Variants in SLC2A9 observed in about 807,000 individuals in gnomAD.
The protein encoded by SLC2A9 is solute carrier family 2 member 9, also known as solute carrier family 2, facilitated glucose transporter member 9.
SLC2A9 carries 39 observed loss-of-function variants against 50.6 expected under a neutral mutation model. The observed-to-expected ratio is 0.77, with a 90% CI of 0.60 to 1.01. SLC2A9 has a LOEUF of 1.01. SLC2A9 is among the 50% of genes least tolerant of loss of function. The pLI, the probability that SLC2A9 is intolerant of heterozygous loss-of-function variation, is 0.00. For synonymous variants in SLC2A9, 324 were observed against 276.9 expected, an observed-to-expected ratio of 1.17 and a Z score of -1.69; for missense variants, 686 against 677.6, an observed-to-expected ratio of 1.01 and a Z score of -0.14.
intron 6 of SLC2A9, among the ~76,000 whole-genome samples, chr4:9,941,706 T>G (rs920858750): frequency 6.6e-6 from 1 of 152,202 alleles, no homozygotes; most frequent in African/African-American, 2.4e-5. Context: ...GGAGACTCCC[T>G]GGGTGACTCT....
chr4:9,778,850 C>T (rs1359909351), downstream of SLC2A9, among the ~76,000 whole-genome samples: 2 of 151,852 alleles, frequency 1.3e-5, no homozygotes, highest in African/African-American at 4.8e-5. Flanking sequence ...AATGGAGTCT[C>T]ACTCTGTCAC....
Position 9,970,169 on chromosome 4 carries a change from T to C in SLC2A9, c.681+10423A>G, listed in dbSNP as rs370361298. Among the ~76,000 whole-genome samples, 10 of 152,226 alleles carry C rather than the reference T, an allele frequency of 6.6e-5. No homozygotes were observed. In the East Asian group the frequency reaches 9.7e-4, roughly 15 times the overall value. ...TAATATAGGCCATGGGGGATGGCCT[T>C]GGCCCCACCCAGCACTGGAGCTGAG... On this transcript the variant is annotated intron_variant, in intron 5 of 11. Coordinates refer to ENST00000264784, the MANE Select transcript of SLC2A9 (RefSeq NM_020041.3).
At chr4:9,826,934 C>T (rs1008508542) in intron 11 of SLC2A9, among the ~76,000 whole-genome samples, 5 of 152,126 alleles carry the variant, frequency 3.3e-5, no homozygotes, top group Non-Finnish European at 1.5e-5. Flanking sequence ...TTACAATTAA[C>T]CACATTGTCT....
In SLC2A9 at chr4:9,870,269, G is replaced by A. The variant is rs570694201; in HGVS notation, c.1291+17298C>T. Among the ~76,000 whole-genome samples, 4 of 152,356 alleles carry A rather than the reference G, an allele frequency of 2.6e-5. No individual in the cohort carries two copies. The East Asian group carries it at 7.7e-4, about 29-fold the overall frequency. ...AGGAAATGGATACAGCCCAACAGAG[G>A]ACTGTGTTCTCACCATCTCAGCAGC... On this transcript the variant is annotated intron_variant, in intron 10 of 11. Coordinates refer to ENST00000264784, the MANE Select transcript of SLC2A9 (RefSeq NM_020041.3).
At chr4:9,776,818 C>T (rs1268019557), downstream of SLC2A9, among the ~76,000 whole-genome samples, 1 of 152,150 alleles carries the variant, frequency 6.6e-6, no homozygotes, top group East Asian at 1.9e-4. Context: ...GACATTAATT[C>T]CAGGTATCTG....
chr4:9,976,997 C>T (rs1754912560), intron 5 of SLC2A9, among the ~76,000 whole-genome samples: 1 of 152,198 alleles, frequency 6.6e-6, no homozygotes, highest in African/African-American at 2.4e-5. Flanking sequence ...TGGGACACCA[C>T]ATCCCATCAC....
At chr4:9,943,779 C>T (rs1464194333) in intron 5 of SLC2A9, among the ~76,000 whole-genome samples, 1 of 152,064 alleles carries the variant, frequency 6.6e-6, no homozygotes, top group South Asian at 2.1e-4. Context: ...GTTTGGCTGC[C>T]GTCTCAGTAA....
intron 5 of SLC2A9, among the ~76,000 whole-genome samples, chr4:9,946,650 T>C (rs1749219393): frequency 6.6e-6 from 1 of 152,236 alleles, no homozygotes; most frequent in Non-Finnish European, 1.5e-5. Context: ...TAGGCTCTTA[T>C]TCTAATAATG....
intron 6 of SLC2A9, among the ~76,000 whole-genome samples, chr4:9,929,782 TGGGGC>T (rs35614040): frequency 0.19 from 28,872 of 152,014 alleles, 2,911 homozygotes; most frequent in Non-Finnish European, 0.21. Context: ...CTCAGCCAGC[TGGGGC>T]TGCTATAACA....
chr4:9,919,687 G>A (rs1013269505), intron 7 of SLC2A9, among the ~76,000 whole-genome samples: 3 of 152,146 alleles, frequency 2.0e-5, no homozygotes, highest in Non-Finnish European at 4.4e-5. Flanking sequence ...TCTCCTCTAC[G>A]CTCCCCTGCC....
intron 8 of SLC2A9, among the ~76,000 whole-genome samples, chr4:9,906,299 A>T (rs1001149461): frequency 6.6e-6 from 1 of 152,232 alleles, no homozygotes; most frequent in Non-Finnish European, 1.5e-5. Context: ...CCGAGCAGAG[A>T]CATTCAACAA....
chr4:9,897,764 C>T (rs1738833586), intron 8 of SLC2A9, among the ~76,000 whole-genome samples: 1 of 152,066 alleles, frequency 6.6e-6, no homozygotes, highest in Non-Finnish European at 1.5e-5. Context: ...GTGGTGCATG[C>T]CTGTAATCGC....
chr4:9,997,781 G>GAA (rs58145141), intron 2 of SLC2A9, among the ~76,000 whole-genome samples: 87 of 148,990 alleles, frequency 5.8e-4, no homozygotes, highest in Middle Eastern at 3.6e-3. Context: ...AGCCATAAAA[G>GAA]AAAAAAAAAT....
intron 2 of SLC2A9, among the ~76,000 whole-genome samples, chr4:9,998,763 T>C (rs1004777114): frequency 6.6e-6 from 1 of 152,174 alleles, no homozygotes; most frequent in Non-Finnish European, 1.5e-5. Context: ...CCATGGTCGA[T>C]AGCAGGAATA....
chr4:9,912,077 G>A (rs1490682987), intron 7 of SLC2A9, among the ~76,000 whole-genome samples: 1 of 152,156 alleles, frequency 6.6e-6, no homozygotes, highest in Admixed American at 6.5e-5. Context: ...ACTCATAGGT[G>A]GGAATTGAAC....
intron 6 of SLC2A9, among the ~76,000 whole-genome samples, chr4:9,935,115 C>G (rs532783784): frequency 3.9e-5 from 6 of 152,342 alleles, no homozygotes; most frequent in African/African-American, 1.4e-4. Context: ...CTGCAATAAA[C>G]ATATATATGC....
At chr4:9,845,491 G>T (rs1286549636) in intron 10 of SLC2A9, among the ~76,000 whole-genome samples, 1 of 137,118 alleles carries the variant, frequency 7.3e-6, no homozygotes, top group Admixed American at 7.4e-5. Flanking sequence ...GTGCAGTGGC[G>T]CGATCTCGGC....
At chr4:9,950,453 T>G (rs1057451963) in intron 5 of SLC2A9, among the ~76,000 whole-genome samples, 5 of 152,192 alleles carry the variant, frequency 3.3e-5, no homozygotes, top group Non-Finnish European at 5.9e-5. Flanking sequence ...TCAAAGGGTT[T>G]GGATGTCCTC....
chr4:9,910,354 A>G (rs1188122274), intron 7 of SLC2A9, among the ~76,000 whole-genome samples: 3 of 152,204 alleles, frequency 2.0e-5, no homozygotes, highest in Non-Finnish European at 2.9e-5. Context: ...TGACATTATA[A>G]CATTATCCTG....
Sources: gnomAD v4.1 joint callset for allele counts (sites outside exome capture counted in the v4.1 genomes callset) on GRCh38, gnomAD v4.1.1 for gene constraint, MANE v1.5 for transcripts, NCBI Gene and HGNC (gene_info 2026-07-23, HGNC 2026-07-21) for gene names.